Variants in NTRK1 observed in about 807,000 individuals in gnomAD.
The protein encoded by NTRK1 is neurotrophic receptor tyrosine kinase 1, also known as high affinity nerve growth factor receptor.
NTRK1 carries 62 observed loss-of-function variants against 86.8 expected under a neutral mutation model. The observed-to-expected ratio is 0.71, with a 90% CI of 0.58 to 0.88. The LOEUF is 0.88. NTRK1 is among the 40% of genes least tolerant of loss of function. The probability of loss-of-function intolerance (pLI) is 0.00; values close to 1 mark genes in which losing one functional copy is unlikely to be tolerated. For missense variants in NTRK1, 967 were observed against 1,078.4 expected, an observed-to-expected ratio of 0.90 and a Z score of 1.45; for synonymous variants, 469 against 456.6, an observed-to-expected ratio of 1.03 and a Z score of -0.35.
At chr1:156,864,248 C>T (rs553183772) in intron 1 of NTRK1, 106 bp from the exon 2 acceptor site, 141 of 1,027,220 alleles carry the variant, frequency 1.4e-4, no homozygotes, top group African/African-American at 9.7e-4. Flanking sequence ...GGTGCATATG[C>T]GTGTGCATGT....
rs1655635830 is a variant in NTRK1, at chr1:156,861,211, C to T, written c.212+65C>T. On this transcript the variant is annotated intron_variant, in intron 1 of 16. Transcript: ENST00000524377. Reference sequence around the variant, plus strand: ...CAGGCATTGCAGTGCCCCGAGGGCGCGGACTCGCTGCTTGTTTGCTGGTCA... The same window carrying T: ...CAGGCATTGCAGTGCCCCGAGGGCGTGGACTCGCTGCTTGTTTGCTGGTCA... 6 of 1,501,814 alleles carry T rather than the reference C, an allele frequency of 4.0e-6. No individual in the cohort carries two copies. In the South Asian group the frequency reaches 7.3e-5, roughly 18 times the overall value. 93.0% of individuals were successfully genotyped at this position (1,501,814 alleles called of 1,614,324 possible).
At chr1:156,830,280 G>A (rs1366978502) in intron 1 of NTRK1, among the ~76,000 whole-genome samples, 2 of 152,238 alleles carry the variant, frequency 1.3e-5, no homozygotes, top group Non-Finnish European at 2.9e-5. Flanking sequence ...CAAACAGAGG[G>A]GGCTGTCTTG....
At chr1:156,871,779 C>T (rs763789609) in intron 7 of NTRK1, 24 bp downstream of exon 7, 3 of 1,613,886 alleles carry the variant, frequency 1.9e-6, no homozygotes, top group Non-Finnish European at 2.5e-6. Flanking sequence ...GCAGCTCCGG[C>T]ACCCACCCCC....
Position 156,864,236 on chromosome 1 carries a change from C to T in NTRK1, c.213-118C>T, listed in dbSNP as rs534784775. On this transcript the variant is annotated intron_variant, in intron 1 of 16. Transcript: ENST00000524377. ...GTGTAAGTGTGTATGCAGGTCTGAA[C>T]AGGTGCATATGCGTGTGCATGTGGC... 94 of 915,132 alleles carry T rather than the reference C, an allele frequency of 1.0e-4. No individual in the cohort carries two copies. In the African/African-American group the frequency reaches 1.5e-3, roughly 14 times the overall value. 56.7% of individuals were successfully genotyped at this position (915,132 alleles called of 1,614,324 possible). A position where few individuals can be genotyped will look rare whatever the true frequency, so the allele number is the denominator to read the frequency against.
At chr1:156,851,688 T>C (rs1477090745) in intron 2 of NTRK1, 23 of 1,614,174 alleles carry the variant, frequency 1.4e-5, no homozygotes, top group Non-Finnish European at 1.9e-5. Context: ...TCCACATGCG[T>C]GCAGCCCACA....
At chr1:156,833,304 C>T (rs1654513101) in intron 1 of NTRK1, among the ~76,000 whole-genome samples, 1 of 152,196 alleles carries the variant, frequency 6.6e-6, no homozygotes, top group Admixed American at 6.5e-5. Flanking sequence ...TGCCTGTAAT[C>T]CCAGCACTTT....
At position 156,874,840 on chromosome 1, in the gene NTRK1, T is replaced by C. The variant is rs554906374; in HGVS notation, c.1252-66T>C. The C allele has an allele frequency of 3.4e-5, 45 of 1,315,816 alleles. 1 individual carries two copies. In the African/African-American group the frequency reaches 6.1e-4, roughly 18 times the overall value. The allele number at this position is 1,315,816 out of a possible 1,614,324, so 81.5% of individuals were successfully genotyped here. A position where few individuals can be genotyped will look rare whatever the true frequency, so the allele number is the denominator to read the frequency against. On this transcript the variant is annotated intron_variant, in intron 10 of 16. Coordinates refer to ENST00000524377, the MANE Select transcript of NTRK1 (RefSeq NM_002529.4). The stretch of plus-strand genomic sequence containing the variant: ...CTCCCATGCAGGATGAAAAAATGGC[T>C]TACTACAGGAGGCTCTGAGAGTACA...
At chr1:156,821,359 G>A (rs1233700088) in intron 1 of NTRK1, among the ~76,000 whole-genome samples, 1 of 152,102 alleles carries the variant, frequency 6.6e-6, no homozygotes, top group Non-Finnish European at 1.5e-5. Flanking sequence ...TGCTTTGGCA[G>A]CATTTTCCTA....
At chr1:156,841,682 G>A (rs138965981) in intron 1 of NTRK1, 2 of 1,613,970 alleles carry the variant, frequency 1.2e-6, no homozygotes, top group African/African-American at 2.7e-5. Context: ...CCGAGTGGGT[G>A]GTGAAGATCC....
At chr1:156,852,092 C>T (rs771634663) in intron 2 of NTRK1, 3 of 1,613,760 alleles carry the variant, frequency 1.9e-6, no homozygotes, top group East Asian at 2.2e-5. Context: ...GCAAGCTACA[C>T]AGGCACGAGG....
At chr1:156,849,179 C>T in intron 2 of NTRK1, 1 of 1,603,142 alleles carries the variant, frequency 6.2e-7, no homozygotes, top group Non-Finnish European at 8.5e-7. Context: ...CGAGCTTTCT[C>T]CCTCCCCCGG....
chr1:156,845,253 C>T (rs375340161), intron 2 of NTRK1: 1 of 1,611,592 alleles, frequency 6.2e-7, no homozygotes, highest in Non-Finnish European at 8.5e-7. Context: ...CTGTTGCCCC[C>T]CAGCCGGAGG....
chr1:156,843,642 G>A (rs919866520), intron 2 of NTRK1, among the ~76,000 whole-genome samples: 8 of 152,240 alleles, frequency 5.3e-5, no homozygotes, highest in African/African-American at 1.9e-4. Context: ...CCTCCAAGTT[G>A]GCCTTGGCCC....
Position 156,881,533 on chromosome 1 carries a change from G to T in NTRK1, c.2282G>T (p.Arg761Leu). The part of the protein sequence containing the change: ...ACPPEVYAIM[R>L]GCWQREPQQR... ...CCACCAGAGGTCTACGCCATCATGC[G>T]GGGCTGCTGGCAGCGGGAGCCCCAG... The change falls in exon 17 of 17, where the codon CGG (arginine) becomes CTG (leucine). Residue 761 changes from arginine (R) to leucine (L), a missense_variant. Arg to Leu is a moderately radical substitution (Grantham distance 102). Transcript: ENST00000524377. The T allele has an allele frequency of 6.2e-7, 1 of 1,603,888 alleles. No homozygotes were observed. Among genetic ancestry groups the T allele is most frequent in the East Asian group, 2.3e-5 (1 of 44,392 alleles).
At chr1:156,837,500 G>T (rs562251802) in intron 1 of NTRK1, among the ~76,000 whole-genome samples, 1 of 152,360 alleles carries the variant, frequency 6.6e-6, no homozygotes, top group Non-Finnish European at 1.5e-5. Context: ...AGATGAGCCA[G>T]GTGGTTCAAG....
At chr1:156,827,048 G>A (rs1654334978) in intron 1 of NTRK1, among the ~76,000 whole-genome samples, 1 of 151,972 alleles carries the variant, frequency 6.6e-6, no homozygotes, top group Admixed American at 6.6e-5. Context: ...CACTTCTGGG[G>A]GAAAAGAAAT....
chr1:156,845,726 A>G (rs1448950997), intron 2 of NTRK1: 1 of 1,613,616 alleles, frequency 6.2e-7, no homozygotes, highest in East Asian at 2.2e-5. Flanking sequence ...GGTGCTGGCA[A>G]GGGCAGCAGT....
chr1:156,838,991 C>A (rs1421787515), intron 1 of NTRK1, among the ~76,000 whole-genome samples: 1 of 152,238 alleles, frequency 6.6e-6, no homozygotes, highest in East Asian at 1.9e-4. Flanking sequence ...CTGGAGGCCT[C>A]TCAGAGACCC....
chr1:156,816,851 C>T (rs933035271), intron 1 of NTRK1: 14 of 663,284 alleles, frequency 2.1e-5, no homozygotes, highest in South Asian at 5.7e-5. Context: ...TTAGTTCTGG[C>T]GAGGACTCAC....
Sources: gnomAD v4.1 joint callset for allele counts (sites outside exome capture counted in the v4.1 genomes callset) on GRCh38, gnomAD v4.1.1 for gene constraint, MANE v1.5 for transcripts, NCBI Gene and HGNC (gene_info 2026-07-23, HGNC 2026-07-21) for gene names.